Variants in GPC3 observed in about 807,000 individuals in gnomAD.
GPC3 encodes the protein glypican-3.
A neutral mutation model predicts 34.4 loss-of-function variants in GPC3; 3 were observed. That is an observed-to-expected ratio of 0.09 (90% CI 0.04 to 0.23). The LOEUF is 0.23. Ranked by LOEUF, GPC3 falls within the 10% of genes least tolerant of loss-of-function variation. The probability of loss-of-function intolerance (pLI) is 1.00; values close to 1 mark genes in which losing one functional copy is unlikely to be tolerated. For synonymous variants in GPC3, 177 were observed against 174.0 expected (o/e 1.02, Z -0.13); for missense variants, 351 against 445.6 (o/e 0.79, Z 1.91).
Position 133,621,133 on chromosome X carries a change from T to C in GPC3, c.1414-24534A>G, listed in dbSNP as rs751224439. Among the ~76,000 whole-genome samples the C allele has an allele frequency of 4.5e-5, 5 of 110,792 alleles. No individual in the cohort carries two copies. The South Asian group carries it at 1.6e-3, about 34-fold the overall frequency. Reference sequence around the variant, plus strand: ...ACTAGTTCTGTATGATAAGGGCCTATAGAGTTTTAGCACAAGAAGAAGCAC... The same window carrying C: ...ACTAGTTCTGTATGATAAGGGCCTACAGAGTTTTAGCACAAGAAGAAGCAC... On this transcript the variant is annotated intron_variant, in intron 6 of 7. Transcript: ENST00000370818.
intron 2 of GPC3, among the ~76,000 whole-genome samples, chrX:133,764,731 C>T (rs1236040311): frequency 9.0e-6 from 1 of 111,606 alleles, no homozygotes; most frequent in Admixed American, 9.5e-5. Context: ...TTTAGAAACC[C>T]GTTTTACTGT....
At chrX:133,980,283 G>A (rs769591978) in intron 1 of GPC3, among the ~76,000 whole-genome samples, 12 of 112,180 alleles carry the variant, frequency 1.1e-4, no homozygotes, top group Non-Finnish European at 2.1e-4. Context: ...CAAAATATAT[G>A]TAGGCTGAAA....
chrX:133,920,816 C>T (rs2124614547), intron 2 of GPC3, among the ~76,000 whole-genome samples: 1 of 111,908 alleles, frequency 8.9e-6, no homozygotes, highest in Admixed American at 9.5e-5. Flanking sequence ...ATAAGAGTTG[C>T]AAAATTAGTT....
chrX:133,609,439 G>A, intron 6 of GPC3, among the ~76,000 whole-genome samples: 1 of 112,392 alleles, frequency 8.9e-6, no homozygotes, highest in Non-Finnish European at 1.9e-5. Flanking sequence ...GAACAGAACT[G>A]CTGGTATTTT....
intron 6 of GPC3, among the ~76,000 whole-genome samples, chrX:133,627,180 G>A (rs1270723170): frequency 3.2e-5 from 2 of 62,326 alleles, no homozygotes; most frequent in South Asian, 3.5e-3. Flanking sequence ...GGGGGGAGGG[G>A]GGAGGGATAG....
chrX:133,865,420 A>G (rs776727581), intron 2 of GPC3, among the ~76,000 whole-genome samples: 2 of 112,207 alleles, frequency 1.8e-5, no homozygotes, highest in South Asian at 7.5e-4. Context: ...TTGGAAAGTC[A>G]CAGGCAATCC....
At chrX:133,907,141 C>T (rs2076172044) in intron 2 of GPC3, among the ~76,000 whole-genome samples, 2 of 110,823 alleles carry the variant, frequency 1.8e-5, no homozygotes, top group Non-Finnish European at 3.8e-5. Context: ...TCGTGAGATT[C>T]CTTAACATAC....
chrX:133,759,641 G>A (rs1177470418), intron 2 of GPC3, among the ~76,000 whole-genome samples: 1 of 111,757 alleles, frequency 8.9e-6, no homozygotes, highest in Non-Finnish European at 1.9e-5. Flanking sequence ...AACATAAAAT[G>A]CAAAACTATA....
At chrX:133,687,562 G>A (rs1205521966) in intron 5 of GPC3, among the ~76,000 whole-genome samples, 3 of 106,342 alleles carry the variant, frequency 2.8e-5, no homozygotes, top group Admixed American at 1.0e-4. Context: ...CTGGGACTAC[G>A]GGTACCTGCC....
intron 3 of GPC3, among the ~76,000 whole-genome samples, chrX:133,752,979 C>T (rs185990316): frequency 5.9e-4 from 66 of 111,959 alleles, no homozygotes; most frequent in Middle Eastern, 4.6e-3. Context: ...ACTAACTTTA[C>T]GTGGGTGCTC....
intron 2 of GPC3, among the ~76,000 whole-genome samples, chrX:133,812,882 G>A (rs1226264306): frequency 4.5e-5 from 5 of 112,070 alleles, no homozygotes; most frequent in South Asian, 3.7e-4. Context: ...GACTCTCTGG[G>A]TCTAGGTAGA....
At chrX:133,982,187 G>C (rs1210108012) in intron 1 of GPC3, among the ~76,000 whole-genome samples, 1 of 111,964 alleles carries the variant, frequency 8.9e-6, no homozygotes, top group Admixed American at 9.5e-5. Context: ...CTGTGGGTAG[G>C]TTAAGCAAAA....
chrX:133,546,770 CAAAAAACA>C (rs1182646061), intron 7 of GPC3, among the ~76,000 whole-genome samples: 1 of 111,169 alleles, frequency 9.0e-6, no homozygotes, highest in Non-Finnish European at 1.9e-5. Flanking sequence ...GGAGGTTCCT[CAAAAAACA>C]AAAAATAAAA....
In GPC3 at chrX:133,754,023, T is replaced by C. The variant is rs1569426363; in HGVS notation, c.491A>G (p.Asp164Gly). The change falls in exon 3 of 8, where the codon GAT becomes GGT. Residue 164 changes from aspartate (D) to glycine (G), a missense_variant. Coordinates refer to ENST00000370818, the MANE Select transcript of GPC3 (RefSeq NM_004484.4). The stretch of plus-strand genomic sequence containing the variant: ...GTCAAACAATTCATTGACCATGTCA[T>C]CTACATTGATGTCAGAACCCAAGAT... ...LYILGSDINV[D>G]DMVNELFDSL... is the part of the protein sequence containing the mutation. The C allele has an allele frequency of 4.1e-6, 5 of 1,210,628 alleles. No individual in the cohort carries two copies. Among genetic ancestry groups the C allele is most frequent in the Non-Finnish European group, 5.6e-6 (5 of 894,623 alleles).
At chrX:133,748,770 C>G (rs1169961815) in intron 3 of GPC3, among the ~76,000 whole-genome samples, 1 of 111,941 alleles carries the variant, frequency 8.9e-6, no homozygotes, top group Admixed American at 9.5e-5. Flanking sequence ...GTTCCTGAAC[C>G]TAACACTGCA....
In GPC3 at chrX:133,838,598, C is replaced by A. The variant is rs182319872; in HGVS notation, c.338-84422G>T. Among the ~76,000 whole-genome samples, 7 of 112,397 alleles carry A rather than the reference C, an allele frequency of 6.2e-5. No homozygotes were observed. The East Asian group carries it at 2.0e-3, about 31-fold the overall frequency. On this transcript the variant is annotated intron_variant, in intron 2 of 7. Coordinates refer to ENST00000370818, the MANE Select transcript of GPC3 (RefSeq NM_004484.4). The stretch of plus-strand genomic sequence containing the variant: ...AATTAATTTTTACATTCTGAATAAG[C>A]CTGAATTTCTCCATCCTTTATACAT...
intron 1 of GPC3, among the ~76,000 whole-genome samples, chrX:133,983,051 A>G (rs1325950309): frequency 1.8e-5 from 2 of 111,809 alleles, no homozygotes; most frequent in Non-Finnish European, 3.8e-5. Flanking sequence ...AATTCAGGAC[A>G]CGCAGTTTCA....
intron 2 of GPC3, among the ~76,000 whole-genome samples, chrX:133,818,465 G>C (rs1284048315): frequency 8.9e-6 from 1 of 111,756 alleles, no homozygotes; most frequent in Non-Finnish European, 1.9e-5. Context: ...TGGTCTAAAA[G>C]CAGCTAGGTG....
At chrX:133,559,622 C>T (rs2069524843) in intron 7 of GPC3, among the ~76,000 whole-genome samples, 1 of 111,435 alleles carries the variant, frequency 9.0e-6, no homozygotes, top group African/African-American at 3.3e-5. Context: ...AAAGACTGAT[C>T]CACAGACCTT....
Sources: allele counts gnomAD v4.1 joint callset (sites outside exome capture counted in the v4.1 genomes callset), GRCh38; gene constraint gnomAD v4.1.1; transcripts MANE v1.5; gene names NCBI Gene and HGNC (gene_info 2026-07-23, HGNC 2026-07-21).